Variants in ARHGAP26 observed in about 807,000 individuals in gnomAD.
The protein encoded by ARHGAP26 is rho GTPase-activating protein 26.
A neutral mutation model predicts 104.8 loss-of-function variants in ARHGAP26; 38 were observed. That is an observed-to-expected ratio of 0.36 (90% CI 0.28 to 0.48). The LOEUF (loss-of-function observed/expected upper bound fraction) is 0.48. ARHGAP26 is among the 20% of genes least tolerant of loss of function. The pLI, the probability that ARHGAP26 is intolerant of heterozygous loss-of-function variation, is 0.99. For synonymous variants in ARHGAP26, 341 were observed against 340.0 expected (o/e 1.00, Z -0.03); for missense variants, 704 against 947.9 (o/e 0.74, Z 3.38).
chr5:142,772,966 A>G (rs1755541678), intron 1 of ARHGAP26: 1 of 518,872 alleles, frequency 1.9e-6, no homozygotes, highest in Non-Finnish European at 4.0e-6. Context: ...GTCTAATGGA[A>G]TGGATCAGCC....
At position 143,012,739 on chromosome 5, in the gene ARHGAP26, G is replaced by A. The variant is rs1461983541; in HGVS notation, c.1108-1341G>A. ...CGTGATCTCGGCTCACTGCAAGCTC[G>A]ACCTCCTGGGTTCATGCCATTCTCC... On this transcript the variant is annotated intron_variant, in intron 11 of 22. Coordinates refer to ENST00000645722, the MANE Select transcript of ARHGAP26 (RefSeq NM_001135608.3). 2.7e-5 allele frequency among the ~76,000 whole-genome samples: 4 copies of A among 147,912 alleles called. No individual in the cohort carries two copies. The East Asian group carries it at 5.9e-4, about 22-fold the overall frequency.
At chr5:143,057,601 T>A in intron 16 of ARHGAP26, 41 bp from the exon 17 acceptor site, 1 of 1,540,730 alleles carries the variant, frequency 6.5e-7, no homozygotes, top group Non-Finnish European at 8.9e-7. Context: ...GTTGTTTAGC[T>A]GTGACACTGA....
intron 20 of ARHGAP26, among the ~76,000 whole-genome samples, chr5:143,200,115 G>A (rs1204804428): frequency 7.2e-5 from 11 of 152,196 alleles, no homozygotes; most frequent in South Asian, 2.1e-4. Flanking sequence ...GACCAGGAAA[G>A]CAAAGAGTCC....
chr5:142,939,706 C>G (rs1048903832), intron 11 of ARHGAP26, among the ~76,000 whole-genome samples: 2 of 152,184 alleles, frequency 1.3e-5, no homozygotes, highest in African/African-American at 4.8e-5. Context: ...AAGTTTAAAT[C>G]CTACACCACT....
chr5:142,933,573 C>T (rs887873088), intron 11 of ARHGAP26, among the ~76,000 whole-genome samples: 3 of 152,148 alleles, frequency 2.0e-5, no homozygotes, highest in African/African-American at 7.2e-5. Context: ...ATTCTGCTAT[C>T]CTCAGCCCAT....
intron 15 of ARHGAP26, among the ~76,000 whole-genome samples, chr5:143,055,525 A>G (rs1163133771): frequency 6.6e-6 from 1 of 152,202 alleles, no homozygotes; most frequent in African/African-American, 2.4e-5. Context: ...AGCAGGTAAA[A>G]TTTGTTTATA....
chr5:142,942,338 T>A (rs1286264823), intron 11 of ARHGAP26, among the ~76,000 whole-genome samples: 1 of 152,176 alleles, frequency 6.6e-6, no homozygotes, highest in Non-Finnish European at 1.5e-5. Context: ...AAATACATGG[T>A]TACAAAAGAA....
At chr5:142,885,778 T>A (rs1237194414) in intron 5 of ARHGAP26, among the ~76,000 whole-genome samples, 2 of 152,254 alleles carry the variant, frequency 1.3e-5, no homozygotes, top group Non-Finnish European at 2.9e-5. Flanking sequence ...TATCAGTGAT[T>A]TGAAATGTTA....
intron 1 of ARHGAP26, among the ~76,000 whole-genome samples, chr5:142,858,889 G>A (rs1295398272): frequency 6.6e-6 from 1 of 152,240 alleles, no homozygotes; most frequent in African/African-American, 2.4e-5. Flanking sequence ...CAGTAACTAG[G>A]TGGGGAGACA....
chr5:143,169,525 AAAAG>A (rs1180890292), intron 20 of ARHGAP26: 3 of 152,250 alleles, frequency 2.0e-5, no homozygotes, highest in African/African-American at 4.8e-5. Context: ...AGCCCAGCAG[AAAAG>A]AAAGAGAGAG....
chr5:142,840,928 T>G (rs1429176150), intron 1 of ARHGAP26, among the ~76,000 whole-genome samples: 1 of 152,220 alleles, frequency 6.6e-6, no homozygotes, highest in Non-Finnish European at 1.5e-5. Context: ...CAGCAGACAG[T>G]AAACACATGG....
At chr5:143,029,568 CA>C (rs1010165621) in intron 12 of ARHGAP26, among the ~76,000 whole-genome samples, 6 of 146,766 alleles carry the variant, frequency 4.1e-5, no homozygotes, top group African/African-American at 1.6e-4. Context: ...CCATGCCCAG[CA>C]AATTTTTTTT....
At chr5:143,163,399 C>T (rs954164640) in intron 20 of ARHGAP26, among the ~76,000 whole-genome samples, 2 of 152,012 alleles carry the variant, frequency 1.3e-5, no homozygotes, top group Admixed American at 6.5e-5. Context: ...CTGCCTTGGT[C>T]TTATTGCTGT....
intron 4 of ARHGAP26, among the ~76,000 whole-genome samples, chr5:142,884,052 A>T (rs1489294169): frequency 6.6e-6 from 1 of 152,236 alleles, no homozygotes; most frequent in Non-Finnish European, 1.5e-5. Context: ...GCAGAAAAAC[A>T]TCCCTATGGG....
chr5:143,152,091 A>T (rs989385640), intron 20 of ARHGAP26, among the ~76,000 whole-genome samples: 6 of 152,296 alleles, frequency 3.9e-5, no homozygotes, highest in African/African-American at 9.6e-5. Flanking sequence ...AAGAGGGATG[A>T]ATATTTGGAG....
At chr5:143,103,180 T>G in intron 17 of ARHGAP26, 1 of 963,170 alleles carries the variant, frequency 1.0e-6, no homozygotes. Context: ...TTGATTTGCT[T>G]TGCTGCAGAC....
chr5:142,815,205 T>C (rs982820983), intron 1 of ARHGAP26, among the ~76,000 whole-genome samples: 1 of 152,036 alleles, frequency 6.6e-6, no homozygotes, highest in Non-Finnish European at 1.5e-5. Flanking sequence ...TTCACCATGT[T>C]GGCCAGTGTA....
intron 14 of ARHGAP26, among the ~76,000 whole-genome samples, chr5:143,052,286 A>G (rs1226847741): frequency 6.6e-6 from 1 of 152,094 alleles, no homozygotes; most frequent in Non-Finnish European, 1.5e-5. Flanking sequence ...CCTGGCCAAT[A>G]TGGTGAAACC....
chr5:143,150,185 A>G (rs1799650990), intron 20 of ARHGAP26, among the ~76,000 whole-genome samples: 1 of 152,194 alleles, frequency 6.6e-6, no homozygotes, highest in African/African-American at 2.4e-5. Flanking sequence ...AACAAAGGAC[A>G]ATTGGTAAGT....
Sources: allele counts gnomAD v4.1 joint callset (sites outside exome capture counted in the v4.1 genomes callset), GRCh38; gene constraint gnomAD v4.1.1; transcripts MANE v1.5; gene names NCBI Gene and HGNC (gene_info 2026-07-23, HGNC 2026-07-21).